The following TLL1 variants were observed in gnomAD, a reference collection of about 807,000 sequenced individuals.
The protein encoded by TLL1 is tolloid like 1, also known as tolloid-like protein 1.
A neutral mutation model predicts 128.2 loss-of-function variants in TLL1; 49 were observed. The observed-to-expected ratio is 0.38, with a 90% CI of 0.30 to 0.48. TLL1 has a LOEUF of 0.48. TLL1 is among the 20% of genes least tolerant of loss of function. The pLI is 0.96. For missense variants in TLL1, 1,123 were observed against 1,242.0 expected (o/e 0.90, Z 1.44); for synonymous variants, 454 against 418.8 (o/e 1.08, Z -1.03).
intron 1 of TLL1, among the ~76,000 whole-genome samples, chr4:165,875,719 T>C (rs1730696052): frequency 6.6e-6 from 1 of 152,176 alleles, no homozygotes; most frequent in South Asian, 2.1e-4. Context: ...TTGCTGAAAA[T>C]TGTGCGTTTT....
chr4:166,051,855 C>A (rs1333832120), intron 12 of TLL1, among the ~76,000 whole-genome samples: 2 of 152,050 alleles, frequency 1.3e-5, no homozygotes, highest in Non-Finnish European at 2.9e-5. Context: ...GCCCCAAATA[C>A]CAGGTACATA....
At chr4:165,908,971 C>A (rs1020402479) in intron 1 of TLL1, among the ~76,000 whole-genome samples, 2 of 152,056 alleles carry the variant, frequency 1.3e-5, no homozygotes, top group African/African-American at 4.8e-5. Flanking sequence ...CCGAGGCAGG[C>A]TGATCACTTG....
chr4:166,014,482 A>G lies in TLL1; in HGVS notation c.964A>G (p.Ile322Val). The G allele has an allele frequency of 6.2e-7, 1 of 1,612,528 alleles. No individual in the cohort carries two copies. The highest frequency in any genetic ancestry group is 8.5e-7 in the Non-Finnish European group (1 of 1,178,846). ...TCTCCCCTCCCGTGATGATAATGGC[A>G]TACGTCCTGCAATTGGTCAGCGAAC... ...TILPSRDDNG[I>V]RPAIGQRTRL... The change falls in exon 8 of 21, where the codon ATA (isoleucine) becomes GTA (valine). Residue 322 changes from isoleucine (I) to valine (V), a missense_variant. Physicochemically the swap from Ile to Val is conservative, Grantham distance 29. Around this residue, in one of 3 missense-constraint regions of TLL1, gnomAD observed 480 missense variants for 542.4 expected, o/e 0.89. Transcript: ENST00000061240.
At chr4:166,048,914 T>C (rs1195522105) in intron 12 of TLL1, among the ~76,000 whole-genome samples, 1 of 152,222 alleles carries the variant, frequency 6.6e-6, no homozygotes, top group Non-Finnish European at 1.5e-5. Context: ...CTAAACTATG[T>C]GCATAAGTTT....
intron 1 of TLL1, among the ~76,000 whole-genome samples, chr4:165,922,498 C>T (rs1004200442): frequency 1.3e-5 from 2 of 152,128 alleles, no homozygotes; most frequent in Non-Finnish European, 2.9e-5. Context: ...TCCCATGTCT[C>T]TTTGTTCTTC....
intron 1 of TLL1, among the ~76,000 whole-genome samples, chr4:165,985,120 C>T (rs1736342914): frequency 6.6e-6 from 1 of 151,906 alleles, no homozygotes; most frequent in South Asian, 2.1e-4. Flanking sequence ...ATACATACTT[C>T]CTGTTGTTAG....
chr4:165,879,012 C>A (rs964765113), intron 1 of TLL1, among the ~76,000 whole-genome samples: 1 of 149,382 alleles, frequency 6.7e-6, no homozygotes, highest in Non-Finnish European at 1.5e-5. Flanking sequence ...GGCTCACAGC[C>A]TCGACCTCCT....
chr4:166,065,914 T>G lies in TLL1; in HGVS notation c.2188+51T>G, dbSNP rs554629044. 7.8e-6 allele frequency: 10 copies of G among 1,275,846 alleles called. No homozygotes were observed. In the South Asian group the frequency reaches 1.4e-4, roughly 17 times the overall value. 79.0% of individuals were successfully genotyped at this position (1,275,846 alleles called of 1,614,324 possible). ...GTATATTACAGATTTTCAATGTGGG[T>G]TGGATTAAATTGTATGTGATCTATT... is the stretch of plus-strand genomic sequence containing the variant. On this transcript the variant is annotated intron_variant, in intron 16 of 20. Transcript: ENST00000061240.
intron 12 of TLL1, among the ~76,000 whole-genome samples, chr4:166,052,965 G>GTGTATATATGTATATATATATATATATA: frequency 1.0e-5 from 1 of 99,648 alleles, no homozygotes; most frequent in Non-Finnish European, 2.1e-5. Flanking sequence ...GAGGTTATGT[G>GTGTATATATGTATATATATATATATATA]TATATATATA....
At chr4:165,965,794 A>G (rs1735338156) in intron 1 of TLL1, among the ~76,000 whole-genome samples, 1 of 152,218 alleles carries the variant, frequency 6.6e-6, no homozygotes, top group Admixed American at 6.5e-5. Context: ...GCCATCTAAG[A>G]ATTTGATGTG....
chr4:165,873,708 G>A lies in TLL1; in HGVS notation c.-197G>A. The A allele has an allele frequency of 1.7e-6, 1 of 575,756 alleles. No individual in the cohort carries two copies. Among genetic ancestry groups the A allele is most frequent in the Non-Finnish European group, 3.1e-6 (1 of 325,210 alleles). The allele number at this position is 575,756 out of a possible 1,614,324, so 35.7% of individuals were successfully genotyped here. A position where few individuals can be genotyped will look rare whatever the true frequency, so the allele number is the denominator to read the frequency against. On this transcript the variant is annotated 5_prime_UTR_variant, in exon 1 of 21. Coordinates refer to ENST00000061240, the MANE Select transcript of TLL1 (RefSeq NM_012464.5). ...CCTAGCCAACTTCTCCCTGCGACTG[G>A]GGGTAACAGGCAGTGCTTGCCCTCT...
At position 165,989,486 on chromosome 4, in the gene TLL1, C is replaced by T. The variant is rs760290265; in HGVS notation, c.275C>T (p.Thr92Ile). Reference protein sequence around the residue: ...TQNPFGNLGHTTGGLGDHAMS... With the variant: ...TQNPFGNLGHITGGLGDHAMS... ...AACCCCTTTGGAAACCTTGGACATACCACAGGTATGGTTGATTGTTTCAGA... is the reference window on the plus strand; with the variant it reads ...AACCCCTTTGGAAACCTTGGACATATCACAGGTATGGTTGATTGTTTCAGA... The change falls in exon 2 of 21, where the codon ACC (threonine) becomes ATC (isoleucine). Residue 92 changes from threonine to isoleucine, a missense_variant. Around this residue, in one of 3 missense-constraint regions of TLL1, gnomAD observed 480 missense variants for 542.4 expected, o/e 0.89. Coordinates refer to ENST00000061240, the MANE Select transcript of TLL1 (RefSeq NM_012464.5). 1 of 1,605,042 alleles carries T rather than the reference C, an allele frequency of 6.2e-7. No individual in the cohort carries two copies. Among genetic ancestry groups the T allele is most frequent in the African/African-American group, 1.3e-5 (1 of 74,630 alleles).
At chr4:166,053,202 T>C (rs1340568075) in intron 12 of TLL1, 1 of 151,850 alleles carries the variant, frequency 6.6e-6, no homozygotes, top group Non-Finnish European at 1.5e-5. Flanking sequence ...CAATTTCTCA[T>C]ACATCTCTCA....
chr4:166,016,758 G>A (rs1737969352), intron 8 of TLL1, among the ~76,000 whole-genome samples: 1 of 151,880 alleles, frequency 6.6e-6, no homozygotes, highest in Non-Finnish European at 1.5e-5. Flanking sequence ...AGCTAATAAA[G>A]TACCGGGAGT....
At position 166,028,251 on chromosome 4, in the gene TLL1, T is replaced by G. The variant is rs1016915587; in HGVS notation, c.1158+2820T>G. On this transcript the variant is annotated intron_variant, in intron 9 of 20. Transcript: ENST00000061240. Reference sequence around the variant, plus strand: ...GCTCAAAATAGAGGATTTGTTATGTTTCAATTCTACTTTTTTCTATTGTTA... The same window carrying G: ...GCTCAAAATAGAGGATTTGTTATGTGTCAATTCTACTTTTTTCTATTGTTA... Among the ~76,000 whole-genome samples the G allele has an allele frequency of 2.6e-5, 4 of 152,138 alleles. No individual in the cohort carries two copies. In the South Asian group the frequency reaches 8.3e-4, roughly 31 times the overall value.
chr4:165,991,146 T>C (rs1345978133), intron 2 of TLL1, among the ~76,000 whole-genome samples: 2 of 152,176 alleles, frequency 1.3e-5, no homozygotes, highest in Middle Eastern at 3.4e-3. Flanking sequence ...GGCATTGATT[T>C]TCTGTGATTT....
intron 1 of TLL1, among the ~76,000 whole-genome samples, chr4:165,986,323 A>G (rs558821859): frequency 3.9e-4 from 60 of 152,216 alleles, no homozygotes; most frequent in African/African-American, 1.4e-3. Flanking sequence ...CAGAAATAGG[A>G]CACAGATTTA....
chr4:166,081,873 C>G (rs1369024697), intron 18 of TLL1, among the ~76,000 whole-genome samples: 1 of 152,052 alleles, frequency 6.6e-6, no homozygotes, highest in Admixed American at 6.6e-5. Context: ...TAGCAATACT[C>G]AATCCATTCT....
At chr4:165,901,266 A>C (rs2110852514) in intron 1 of TLL1, among the ~76,000 whole-genome samples, 1 of 152,156 alleles carries the variant, frequency 6.6e-6, no homozygotes, top group East Asian at 1.9e-4. Context: ...TTCTCTGCCA[A>C]GTTTTGTTCC....
Sources: gnomAD v4.1 joint callset for allele counts (sites outside exome capture counted in the v4.1 genomes callset) on GRCh38, gnomAD v4.1.1 for gene constraint, gnomAD v4.1.1 regional missense constraint, MANE v1.5 for transcripts, NCBI Gene and HGNC (gene_info 2026-07-23, HGNC 2026-07-21) for gene names.